The following YEATS2 variants were observed in gnomAD, a reference collection of about 807,000 sequenced individuals.
The protein encoded by YEATS2 is YEATS domain-containing protein 2.
YEATS2 carries 77 observed loss-of-function variants against 163.2 expected under a neutral mutation model. The ratio of observed to expected loss-of-function variants is 0.47; its 90% CI spans 0.39 to 0.57. YEATS2 has a LOEUF of 0.57. Among genes scored for constraint, YEATS2 ranks in the 20% least tolerant of loss-of-function variants. The pLI is 0.00. For synonymous variants in YEATS2, 631 were observed against 645.1 expected (o/e 0.98, Z 0.33); for missense variants, 1,549 against 1,729.8 (o/e 0.90, Z 1.85).
chr3:183,711,339 G>C (rs538667181), intron 1 of YEATS2, among the ~76,000 whole-genome samples: 1 of 152,040 alleles, frequency 6.6e-6, no homozygotes, highest in African/African-American at 2.4e-5. Flanking sequence ...CGGGCGTGGT[G>C]GAGGGCACCT....
chr3:183,775,346 CCAG>C (rs1398804943), intron 17 of YEATS2, among the ~76,000 whole-genome samples: 1 of 152,154 alleles, frequency 6.6e-6, no homozygotes, highest in African/African-American at 2.4e-5. Context: ...ACCTGCAATC[CCAG>C]CACTTTGGAG....
At position 183,786,171 on chromosome 3, in the gene YEATS2, C is replaced by T. The variant is rs764102029; in HGVS notation, c.2783C>T (p.Thr928Ile). 3.7e-6 allele frequency: 6 copies of T among 1,614,016 alleles called. No homozygotes were observed. The highest frequency in any genetic ancestry group is 5.1e-6 in the Non-Finnish European group (6 of 1,180,026). The change falls in exon 20 of 31, where the codon ACC becomes ATC. Residue 928 changes from threonine (T) to isoleucine (I), a missense_variant. Thr to Ile is a moderately conservative substitution (Grantham distance 89). Coordinates refer to ENST00000305135, the MANE Select transcript of YEATS2 (RefSeq NM_018023.5). ...QASLMKISDS[T>I]LKTVPATSQL... ...TCTCTAATGAAAATATCCGATAGCACCTTGAAGACTGTGCCAGCCACCTCA... is the reference window on the plus strand; with the variant it reads ...TCTCTAATGAAAATATCCGATAGCATCTTGAAGACTGTGCCAGCCACCTCA...
At chr3:183,712,764 AT>A (rs35062693) in intron 1 of YEATS2, among the ~76,000 whole-genome samples, 76 of 146,360 alleles carry the variant, frequency 5.2e-4, no homozygotes, top group Middle Eastern at 3.6e-3. Context: ...ACTAATACAA[AT>A]TTTTTTTTTT....
intron 19 of YEATS2, among the ~76,000 whole-genome samples, chr3:183,785,854 C>G (rs945768525): frequency 5.3e-5 from 8 of 152,114 alleles, no homozygotes; most frequent in Non-Finnish European, 8.8e-5. Context: ...AACAAGTGAC[C>G]TGTTACCTTT....
chr3:183,720,286 G>C (rs929770186), intron 4 of YEATS2, among the ~76,000 whole-genome samples: 2 of 152,156 alleles, frequency 1.3e-5, no homozygotes, highest in Non-Finnish European at 2.9e-5. Context: ...CTAGTAATCT[G>C]TCTAAATTCA....
At chr3:183,785,488 CAAAAAAAAAAAA>C (rs146941322) in intron 19 of YEATS2, among the ~76,000 whole-genome samples, 2 of 52,252 alleles carry the variant, frequency 3.8e-5, no homozygotes, top group Admixed American at 2.2e-4. Context: ...GACTCTGTCT[CAAAAAAAAAAAA>C]AAAAAAAAAT....
intron 26 of YEATS2, chr3:183,803,762 G>A (rs1725911005): frequency 3.6e-6 from 2 of 561,962 alleles, no homozygotes; most frequent in Non-Finnish European, 3.1e-6. Flanking sequence ...TGGAGACCAG[G>A]TGAAGATCCT....
At chr3:183,715,287 ATTTC>A in intron 2 of YEATS2, 25 bp downstream of exon 2, 1 of 1,550,986 alleles carries the variant, frequency 6.4e-7, no homozygotes. Flanking sequence ...TTAGGAAATT[ATTTC>A]TTTATTGACA....
chr3:183,707,730 C>T (rs1380814337), intron 1 of YEATS2, among the ~76,000 whole-genome samples: 1 of 144,376 alleles, frequency 6.9e-6, no homozygotes, highest in African/African-American at 2.6e-5. Flanking sequence ...GTCACCCAGG[C>T]TGGAGTGCAG....
At chr3:183,761,848 C>G (rs1398702066) in intron 14 of YEATS2, among the ~76,000 whole-genome samples, 25 of 152,206 alleles carry the variant, frequency 1.6e-4, no homozygotes, top group Admixed American at 1.6e-3. Context: ...GCCACAGTCT[C>G]TAAAACAAGT....
In YEATS2 at chr3:183,809,096, G is replaced by A; in HGVS notation, c.4087-1G>A. Reference sequence around the variant, plus strand: ...AAGAATAACAGCATCTTCCATTGTAGGCTACAGAACAGCTGGTGAATGATA... The same window carrying A: ...AAGAATAACAGCATCTTCCATTGTAAGCTACAGAACAGCTGGTGAATGATA... On this transcript the variant is annotated splice_acceptor_variant, in intron 29 of 30. Transcript: ENST00000305135. LOFTEE classifies it high-confidence loss of function. 1 of 1,614,096 alleles carries A rather than the reference G, an allele frequency of 6.2e-7. No homozygotes were observed. The highest frequency in any genetic ancestry group is 8.5e-7 in the Non-Finnish European group (1 of 1,180,000).
chr3:183,776,027 A>G lies in YEATS2; in HGVS notation c.2481A>G (p.Gly827=). Residue 827 remains glycine (G), a synonymous_variant, in exon 18 of 31, where the codon GGA becomes GGG. Coordinates refer to ENST00000305135, the MANE Select transcript of YEATS2 (RefSeq NM_018023.5). ...SGGGGSTGGG[G]GTAGGGTQST... is the part of the protein sequence containing the mutation. ...GAGGCGGCAGCACAGGAGGAGGAGG[A>G]GGAACAGCAGGAGGAGGAACTCAAA... The G allele has an allele frequency of 1.2e-6, 2 of 1,611,338 alleles. No individual in the cohort carries two copies. The highest frequency in any genetic ancestry group is 1.7e-6 in the Non-Finnish European group (2 of 1,178,220).
rs1461853281 is a variant in YEATS2 at position 183,763,806 on chromosome 3, T to C, written c.1947+1527T>C. Among the ~76,000 whole-genome samples, 8 of 151,824 alleles carry C rather than the reference T, an allele frequency of 5.3e-5. No homozygotes were observed. The South Asian group carries it at 1.7e-3, about 32-fold the overall frequency. On this transcript the variant is annotated intron_variant, in intron 15 of 30. Coordinates refer to ENST00000305135, the MANE Select transcript of YEATS2 (RefSeq NM_018023.5). ...TGGGCTCGGCATGGTGGCTCACACCTGTGAGCCACCTAACACTTTGGCAGT... is the reference window on the plus strand; with the variant it reads ...TGGGCTCGGCATGGTGGCTCACACCCGTGAGCCACCTAACACTTTGGCAGT...
At chr3:183,709,717 A>G (rs9867763) in intron 1 of YEATS2, among the ~76,000 whole-genome samples, 67,397 of 144,484 alleles carry the variant, frequency 0.47, 17,262 homozygotes, top group African/African-American at 0.7. Flanking sequence ...TTGCTCTGTC[A>G]CCCAGGCTGG....
At chr3:183,808,900 C>T (rs909958174) in intron 29 of YEATS2, 197 bp from the exon 30 acceptor site, 2 of 542,432 alleles carry the variant, frequency 3.7e-6, no homozygotes, top group Non-Finnish European at 6.6e-6. Flanking sequence ...ATGAAAATCA[C>T]TCCAATTCAT....
intron 8 of YEATS2, among the ~76,000 whole-genome samples, chr3:183,740,964 A>G (rs1001130084): frequency 6.6e-6 from 1 of 151,928 alleles, no homozygotes; most frequent in Non-Finnish European, 1.5e-5. Flanking sequence ...TTTGAGATAG[A>G]GTCTTGGTCT....
chr3:183,807,352 C>G, intron 28 of YEATS2: 1 of 439,512 alleles, frequency 2.3e-6, no homozygotes, highest in Non-Finnish European at 4.2e-6. Context: ...TGAACGCAGA[C>G]GTGAAGCAAA....
intron 25 of YEATS2, chr3:183,802,506 T>TATACATGTATATATATATATATACAC (rs983016836): frequency 1.3e-5 from 2 of 150,370 alleles, no homozygotes; most frequent in African/African-American, 5.0e-5. Flanking sequence ...TGTGTGTGTG[T>TATACATGTATATATATATATATACAC]GTGTATACAT....
intron 15 of YEATS2, among the ~76,000 whole-genome samples, chr3:183,763,222 C>T (rs1577137706): frequency 6.6e-6 from 1 of 152,084 alleles, no homozygotes; most frequent in South Asian, 2.1e-4. Flanking sequence ...GATAGAATAG[C>T]TAACTACACA....
Sources: gnomAD v4.1 joint callset for allele counts (sites outside exome capture counted in the v4.1 genomes callset) on GRCh38, gnomAD v4.1.1 for gene constraint, MANE v1.5 for transcripts, NCBI Gene and HGNC (gene_info 2026-07-23, HGNC 2026-07-21) for gene names.